FOXN3: variants seen among roughly 807,000 people sequenced by gnomAD.
FOXN3 encodes forkhead box protein N3.
A neutral mutation model predicts 38.4 loss-of-function variants in FOXN3; 7 were observed. The observed-to-expected ratio is 0.18, with a 90% CI of 0.10 to 0.34. The LOEUF is 0.34. Ranked by LOEUF, FOXN3 falls within the 10% of genes least tolerant of loss-of-function variation. FOXN3 has a pLI of 1.00. For missense variants in FOXN3, 456 were observed against 613.4 expected (o/e 0.74, Z 2.71); for synonymous variants, 230 against 242.2 (o/e 0.95, Z 0.47).
chr14:89,232,453 GC>G (rs1884843107), intron 4 of FOXN3, among the ~76,000 whole-genome samples: 1 of 152,034 alleles, frequency 6.6e-6, no homozygotes, highest in African/African-American at 2.4e-5. Flanking sequence ...GTAAACCAGG[GC>G]AAGAAAAAAC....
At chr14:89,483,353 A>C (rs772532484) in intron 1 of FOXN3, among the ~76,000 whole-genome samples, 2 of 152,160 alleles carry the variant, frequency 1.3e-5, no homozygotes, top group African/African-American at 2.4e-5. Context: ...ACACTGGCCC[A>C]ATCCCAACTC....
chr14:89,198,244 CA>C (rs1199822280), intron 4 of FOXN3, among the ~76,000 whole-genome samples: 1 of 152,166 alleles, frequency 6.6e-6, no homozygotes, highest in East Asian at 1.9e-4. Context: ...CAACTATTTA[CA>C]TAGTATTTAC....
intron 1 of FOXN3, among the ~76,000 whole-genome samples, chr14:89,483,128 A>G (rs1010839213): frequency 6.6e-6 from 1 of 151,948 alleles, no homozygotes; most frequent in African/African-American, 2.4e-5. Flanking sequence ...AATCGCTTGA[A>G]CCCAGGAGGT....
chr14:89,456,021 C>T (rs894055083), intron 1 of FOXN3, among the ~76,000 whole-genome samples: 10 of 151,752 alleles, frequency 6.6e-5, no homozygotes, highest in African/African-American at 1.5e-4. Flanking sequence ...TAGTGAAACC[C>T]GTGTCTACTA....
intron 1 of FOXN3, among the ~76,000 whole-genome samples, chr14:89,495,469 C>A (rs1167109303): frequency 6.6e-6 from 1 of 152,150 alleles, no homozygotes; most frequent in Non-Finnish European, 1.5e-5. Context: ...ACACACCTTA[C>A]TGGTTAAAGA....
chr14:89,488,783 G>T (rs904908169), intron 1 of FOXN3, among the ~76,000 whole-genome samples: 1 of 152,144 alleles, frequency 6.6e-6, no homozygotes, highest in South Asian at 2.1e-4. Context: ...CAAGAATCTG[G>T]AAGTCACAGT....
At chr14:89,225,882 C>T (rs1404974932) in intron 4 of FOXN3, among the ~76,000 whole-genome samples, 1 of 152,152 alleles carries the variant, frequency 6.6e-6, no homozygotes, top group East Asian at 1.9e-4. Context: ...GTTTTAACAT[C>T]TTCACTCAGA....
chr14:89,521,714 T>C (rs1466933506), intron 1 of FOXN3, among the ~76,000 whole-genome samples: 1 of 151,916 alleles, frequency 6.6e-6, no homozygotes, highest in African/African-American at 2.4e-5. Context: ...TATAATATCA[T>C]TGTCAAACTT....
chr14:89,394,734 T>C (rs1199935270), intron 2 of FOXN3, among the ~76,000 whole-genome samples: 1 of 152,210 alleles, frequency 6.6e-6, no homozygotes, highest in Non-Finnish European at 1.5e-5. Context: ...AGGAATAGGA[T>C]ACCTGAAGTT....
At chr14:89,345,304 A>T (rs1327608118) in intron 3 of FOXN3, among the ~76,000 whole-genome samples, 1 of 152,034 alleles carries the variant, frequency 6.6e-6, no homozygotes, top group Non-Finnish European at 1.5e-5. Flanking sequence ...TCTACCAAAA[A>T]CAATCGGGAT....
chr14:89,487,262 G>T (rs1473289370), intron 1 of FOXN3, among the ~76,000 whole-genome samples: 1 of 152,224 alleles, frequency 6.6e-6, no homozygotes, highest in Non-Finnish European at 1.5e-5. Context: ...CATCTCTGAA[G>T]AAGATATCTT....
intron 1 of FOXN3, among the ~76,000 whole-genome samples, chr14:89,422,901 G>C (rs1212639971): frequency 6.6e-6 from 1 of 152,172 alleles, no homozygotes; most frequent in Non-Finnish European, 1.5e-5. Context: ...AGGTGCCCTC[G>C]CCAAACCTGA....
At chr14:89,437,072 G>A (rs1892288731) in intron 1 of FOXN3, among the ~76,000 whole-genome samples, 2 of 152,044 alleles carry the variant, frequency 1.3e-5, no homozygotes, top group Admixed American at 1.3e-4. Context: ...AATTGAACAT[G>A]GGAGGCTGAG....
Position 89,162,643 on chromosome 14 carries a change from G to A in FOXN3, c.1178C>T (p.Ala393Val). ...GTGCTGGCGCTTCTTGTGCTGGGAT[G>A]CGTACCCGCTGTCCCCCAGAGAATC... Reference protein sequence around the residue: ...PKDSLGDSGYASQHKKRQHFA... With the variant: ...PKDSLGDSGYVSQHKKRQHFA... Residue 393 changes from alanine (A) to valine (V), a missense_variant, in exon 6 of 6, where the codon GCA (alanine) becomes GTA (valine). Physicochemically the swap from Ala to Val is moderately conservative, Grantham distance 64. Coordinates refer to ENST00000557258, the MANE Select transcript of FOXN3 (RefSeq NM_005197.4). This position sits in a 1 kb window ranked among gnomAD's most constrained non-coding sequence, Gnocchi z 7.2. The A allele has an allele frequency of 6.2e-7, 1 of 1,613,990 alleles. No individual in the cohort carries two copies. Among genetic ancestry groups the A allele is most frequent in the African/African-American group, 1.3e-5 (1 of 74,986 alleles).
intron 1 of FOXN3, among the ~76,000 whole-genome samples, chr14:89,554,782 C>CT (rs34530866): frequency 0.031 from 2,141 of 68,418 alleles, 89 homozygotes; most frequent in African/African-American, 0.085. Context: ...ACTAGCATTT[C>CT]TTTTTTTTTT....
At chr14:89,205,992 G>A (rs1888374466) in intron 4 of FOXN3, among the ~76,000 whole-genome samples, 1 of 152,182 alleles carries the variant, frequency 6.6e-6, no homozygotes, top group African/African-American at 2.4e-5. Flanking sequence ...CTAGAGAGCT[G>A]CCCGTCCCCT....
intron 1 of FOXN3, among the ~76,000 whole-genome samples, chr14:89,535,470 C>T (rs1429839918): frequency 6.6e-6 from 1 of 152,194 alleles, no homozygotes; most frequent in Non-Finnish European, 1.5e-5. Context: ...AGCAGTAATA[C>T]TTAAAAGACA....
chr14:89,460,579 G>A (rs949976928), intron 1 of FOXN3, among the ~76,000 whole-genome samples: 2 of 152,192 alleles, frequency 1.3e-5, no homozygotes, highest in Non-Finnish European at 1.5e-5. Flanking sequence ...AGATCTGCAC[G>A]TAGTAGGCAT....
chr14:89,425,939 G>T (rs574132066), intron 1 of FOXN3, among the ~76,000 whole-genome samples: 1 of 151,994 alleles, frequency 6.6e-6, no homozygotes, highest in African/African-American at 2.4e-5. Context: ...CCAGAATGAC[G>T]CTTATCTAAT....
Sources: allele counts gnomAD v4.1 joint callset (sites outside exome capture counted in the v4.1 genomes callset), GRCh38; gene constraint gnomAD v4.1.1; non-coding constraint Gnocchi (gnomAD v3.1); transcripts MANE v1.5; gene names NCBI Gene and HGNC (gene_info 2026-07-23, HGNC 2026-07-21).